The following PAG1 variants were observed in gnomAD, a reference collection of about 807,000 sequenced individuals.
PAG1 encodes the protein phosphoprotein associated with glycosphingolipid-enriched microdomains 1.
In PAG1, 23 loss-of-function variants were observed where a neutral mutation model predicts 31.7. The observed-to-expected ratio is 0.73, with a 90% CI of 0.52 to 1.03. The LOEUF (loss-of-function observed/expected upper bound fraction) is 1.03, where lower values mean the gene tolerates loss of function less well. PAG1 is among the 50% of genes least tolerant of loss of function. The probability of loss-of-function intolerance (pLI) is 0.00; values close to 1 mark genes in which losing one functional copy is unlikely to be tolerated. For missense variants in PAG1, 473 were observed against 540.7 expected (o/e 0.87, Z 1.24); for synonymous variants, 214 against 210.3 (o/e 1.02, Z -0.15).
At chr8:80,998,153 CAA>C (rs1807719069) in intron 3 of PAG1, among the ~76,000 whole-genome samples, 11 of 103,486 alleles carry the variant, frequency 1.1e-4, no homozygotes, top group African/African-American at 3.5e-4. Context: ...TTTTTTGAGA[CAA>C]AGTCTCGCTC....
At chr8:80,978,386 A>G (rs1016435887) in intron 8 of PAG1, among the ~76,000 whole-genome samples, 2 of 152,238 alleles carry the variant, frequency 1.3e-5, no homozygotes, top group African/African-American at 4.8e-5. Flanking sequence ...CAAACACAGA[A>G]TGTATTATCT....
intron 1 of PAG1, among the ~76,000 whole-genome samples, chr8:81,100,160 A>G (rs897129391): frequency 3.3e-5 from 5 of 152,184 alleles, no homozygotes; most frequent in African/African-American, 1.2e-4. Context: ...CATACCTCTA[A>G]TCACAGCATA....
In PAG1 at chr8:80,972,005, A is replaced by G. The variant is rs1171116758; in HGVS notation, c.*4539T>C. The stretch of plus-strand genomic sequence containing the variant: ...ACTGGCCTAAAGCCACTGTCAGGAA[A>G]AATGTATTTAGGAAAATATACAACA... On this transcript the variant is annotated 3_prime_UTR_variant, in exon 9 of 9. Coordinates refer to ENST00000220597, the MANE Select transcript of PAG1 (RefSeq NM_018440.4). 2.6e-5 allele frequency: 4 copies of G among 152,256 alleles called. No individual in the cohort carries two copies. Among genetic ancestry groups the G allele is most frequent in the Non-Finnish European group, 5.9e-5 (4 of 68,036 alleles). 9.4% of individuals were successfully genotyped at this position (152,256 alleles called of 1,614,324 possible). A position where few individuals can be genotyped will look rare whatever the true frequency, so the allele number is the denominator to read the frequency against.
intron 1 of PAG1, among the ~76,000 whole-genome samples, chr8:81,072,140 G>A (rs1295521935): frequency 3.9e-5 from 6 of 152,176 alleles, no homozygotes; most frequent in African/African-American, 1.2e-4. Flanking sequence ...TTCTGCTAGT[G>A]AGTATATCTA....
rs762390021 is a variant in PAG1 at position 80,975,306 on chromosome 8, C to T, written c.*1238G>A. The T allele has an allele frequency of 3.9e-5, 6 of 152,178 alleles. No individual in the cohort carries two copies. The highest frequency in any genetic ancestry group is 1.5e-5 in the Non-Finnish European group (1 of 68,010). The allele number at this position is 152,178 out of a possible 1,614,324, so 9.4% of individuals were successfully genotyped here. A position where few individuals can be genotyped will look rare whatever the true frequency, so the allele number is the denominator to read the frequency against. On this transcript the variant is annotated 3_prime_UTR_variant, in exon 9 of 9. Transcript: ENST00000220597. ...CTTTAAAAACCATCAGTGTTTTAAA[C>T]ACTTGATTAGAAAAAAGATAACAGC...
intron 3 of PAG1, among the ~76,000 whole-genome samples, chr8:81,028,372 A>T (rs1808321429): frequency 6.6e-6 from 1 of 152,226 alleles, no homozygotes; most frequent in African/African-American, 2.4e-5. Context: ...TATCTTTGGC[A>T]GCATACACTT....
chr8:81,078,299 T>A (rs1414506143), intron 1 of PAG1, among the ~76,000 whole-genome samples: 1 of 152,258 alleles, frequency 6.6e-6, no homozygotes, highest in Admixed American at 6.5e-5. Flanking sequence ...TCAATCAATT[T>A]CATTGTAATT....
chr8:81,034,969 A>T (rs1003517172), intron 2 of PAG1, among the ~76,000 whole-genome samples: 1 of 152,172 alleles, frequency 6.6e-6, no homozygotes, highest in Non-Finnish European at 1.5e-5. Flanking sequence ...GGGGAGCCCA[A>T]CAACCAAGCA....
chr8:81,014,575 A>G (rs751653117), intron 3 of PAG1, among the ~76,000 whole-genome samples: 9 of 152,314 alleles, frequency 5.9e-5, no homozygotes, highest in Admixed American at 2.6e-4. Flanking sequence ...TTCTAATGAC[A>G]TAAATCGTTG....
intron 2 of PAG1, among the ~76,000 whole-genome samples, chr8:81,054,831 C>T (rs1231681730): frequency 6.6e-6 from 1 of 151,998 alleles, no homozygotes; most frequent in Non-Finnish European, 1.5e-5. Context: ...TGATTCCAGC[C>T]CAAGGAGTCG....
intron 4 of PAG1, among the ~76,000 whole-genome samples, chr8:80,991,892 T>C (rs1275458143): frequency 2.0e-5 from 3 of 150,030 alleles, no homozygotes; most frequent in Non-Finnish European, 3.0e-5. Flanking sequence ...ATGAAGACAA[T>C]TATCTGAGTC....
At chr8:81,085,986 T>TTG (rs1809347316) in intron 1 of PAG1, among the ~76,000 whole-genome samples, 1 of 127,998 alleles carries the variant, frequency 7.8e-6, no homozygotes, top group Non-Finnish European at 1.6e-5. Context: ...TTTTTTTTTT[T>TTG]TTTTTTTTTT....
chr8:81,089,371 A>T (rs1809410328), intron 1 of PAG1, among the ~76,000 whole-genome samples: 1 of 152,148 alleles, frequency 6.6e-6, no homozygotes, highest in African/African-American at 2.4e-5. Context: ...GATCGAGGCC[A>T]TCCTGGCTAA....
At chr8:81,082,145 C>T (rs940702944) in intron 1 of PAG1, among the ~76,000 whole-genome samples, 2 of 148,586 alleles carry the variant, frequency 1.3e-5, no homozygotes, top group Non-Finnish European at 3.0e-5. Context: ...CCCAGCTACT[C>T]GGGAGGCTGA....
intron 6 of PAG1, among the ~76,000 whole-genome samples, chr8:80,985,657 C>G (rs925035729): frequency 1.3e-5 from 2 of 152,190 alleles, no homozygotes; most frequent in Non-Finnish European, 2.9e-5. Context: ...CAATGAGAGA[C>G]TCTTGTAGGC....
intron 1 of PAG1, among the ~76,000 whole-genome samples, chr8:81,071,313 G>A (rs953387295): frequency 1.3e-5 from 2 of 152,146 alleles, no homozygotes; most frequent in African/African-American, 4.8e-5. Flanking sequence ...GTGAGAGAAG[G>A]TTCCATGCCA....
At chr8:81,047,124 T>C (rs1808654638) in intron 2 of PAG1, among the ~76,000 whole-genome samples, 1 of 152,216 alleles carries the variant, frequency 6.6e-6, no homozygotes, top group Admixed American at 6.5e-5. Flanking sequence ...TTCCATGTCT[T>C]TGCTATTGCG....
intron 3 of PAG1, among the ~76,000 whole-genome samples, chr8:81,015,346 C>G (rs1808054620): frequency 6.6e-6 from 1 of 152,208 alleles, no homozygotes; most frequent in Non-Finnish European, 1.5e-5. Flanking sequence ...ATTTTGGGAA[C>G]TGAAACATTG....
intron 2 of PAG1, among the ~76,000 whole-genome samples, chr8:81,032,038 C>T (rs148818079): frequency 6.6e-5 from 10 of 152,190 alleles, no homozygotes; most frequent in African/African-American, 2.4e-4. Context: ...AAGTTGGATC[C>T]TTAACTCAGA....
Sources: gnomAD v4.1 joint callset for allele counts (sites outside exome capture counted in the v4.1 genomes callset) on GRCh38, gnomAD v4.1.1 for gene constraint, MANE v1.5 for transcripts, NCBI Gene and HGNC (gene_info 2026-07-23, HGNC 2026-07-21) for gene names.